DTD1: variants seen among roughly 807,000 people sequenced by gnomAD.
DTD1 encodes D-aminoacyl-tRNA deacylase 1.
In DTD1, 13 loss-of-function variants were observed where a neutral mutation model predicts 25.6. That is an observed-to-expected ratio of 0.51 (90% confidence interval 0.33 to 0.81). The LOEUF (loss-of-function observed/expected upper bound fraction) is 0.81, where lower values mean the gene tolerates loss of function less well. Ranked by LOEUF, DTD1 falls within the 30% of genes least tolerant of loss-of-function variation. The pLI is 0.02. For synonymous variants in DTD1, 110 were observed against 103.6 expected (o/e 1.06, Z -0.37); for missense variants, 193 against 266.4 (o/e 0.72, Z 1.92).
chr20:18,717,212 CA>C (rs2061184533), intron 4 of DTD1, among the ~76,000 whole-genome samples: 1 of 152,184 alleles, frequency 6.6e-6, no homozygotes, highest in Non-Finnish European at 1.5e-5. Flanking sequence ...AGATAATTAG[CA>C]TCACATGGTG....
intron 3 of DTD1, among the ~76,000 whole-genome samples, chr20:18,598,101 A>C (rs2060619049): frequency 6.6e-6 from 1 of 151,966 alleles, no homozygotes; most frequent in South Asian, 2.1e-4. Context: ...GCATCCATCC[A>C]CCCGTCACCT....
At chr20:18,671,437 T>C (rs2060950899) in intron 4 of DTD1, among the ~76,000 whole-genome samples, 1 of 152,208 alleles carries the variant, frequency 6.6e-6, no homozygotes, top group Non-Finnish European at 1.5e-5. Flanking sequence ...ACAGAACAGC[T>C]TGATGTTTTT....
intron 4 of DTD1, among the ~76,000 whole-genome samples, chr20:18,661,290 C>G (rs2060908747): frequency 6.6e-6 from 1 of 151,516 alleles, no homozygotes; most frequent in Non-Finnish European, 1.5e-5. Flanking sequence ...AAAAATGATG[C>G]TGGGAATTTG....
chr20:18,614,476 C>T (rs187211943), intron 3 of DTD1, among the ~76,000 whole-genome samples: 226 of 152,234 alleles, frequency 1.5e-3, no homozygotes, highest in Non-Finnish European at 2.6e-3. Context: ...CCAGTAAAGC[C>T]GCTGGAGTAT....
At chr20:18,691,455 C>A (rs2061047063) in intron 4 of DTD1, among the ~76,000 whole-genome samples, 1 of 152,138 alleles carries the variant, frequency 6.6e-6, no homozygotes. Context: ...AAAATCATGT[C>A]CTTTGCAGCA....
chr20:18,593,327 T>C (rs1183633683), intron 1 of DTD1, among the ~76,000 whole-genome samples: 1 of 152,256 alleles, frequency 6.6e-6, no homozygotes, highest in African/African-American at 2.4e-5. Flanking sequence ...TTTTTGATAT[T>C]CTGCAAAAGG....
At chr20:18,657,328 T>C (rs545257173) in intron 4 of DTD1, among the ~76,000 whole-genome samples, 1 of 152,172 alleles carries the variant, frequency 6.6e-6, no homozygotes, top group Admixed American at 6.5e-5. Context: ...GGCAACATGC[T>C]GAAAAAAAAC....
At chr20:18,685,001 C>T (rs747495665) in intron 4 of DTD1, among the ~76,000 whole-genome samples, 17 of 151,996 alleles carry the variant, frequency 1.1e-4, no homozygotes, top group Non-Finnish European at 2.5e-4. Context: ...TGGGCTGAAG[C>T]AGTCCTCCCA....
intron 4 of DTD1, among the ~76,000 whole-genome samples, chr20:18,677,860 A>G (rs1227388224): frequency 6.6e-6 from 1 of 152,244 alleles, no homozygotes; most frequent in Non-Finnish European, 1.5e-5. Flanking sequence ...GTAATTTGAG[A>G]AATGGAGTTG....
At chr20:18,673,787 G>A (rs1023179534) in intron 4 of DTD1, among the ~76,000 whole-genome samples, 6 of 152,098 alleles carry the variant, frequency 3.9e-5, no homozygotes, top group African/African-American at 1.4e-4. Flanking sequence ...AACCACCCTG[G>A]CAACGTTGAT....
chr20:18,685,713 CT>C (rs1376940674), intron 4 of DTD1, among the ~76,000 whole-genome samples: 1 of 152,228 alleles, frequency 6.6e-6, no homozygotes, highest in Non-Finnish European at 1.5e-5. Context: ...TTTTAGCTCT[CT>C]TTTCTCAAAG....
intron 3 of DTD1, among the ~76,000 whole-genome samples, chr20:18,621,341 T>C (rs532503731): frequency 6.6e-6 from 1 of 152,354 alleles, no homozygotes; most frequent in African/African-American, 2.4e-5. Flanking sequence ...GTGCATCGTG[T>C]TGGGGCATAT....
intron 4 of DTD1, among the ~76,000 whole-genome samples, chr20:18,668,874 G>A (rs1485784361): frequency 6.6e-6 from 1 of 152,172 alleles, no homozygotes; most frequent in East Asian, 1.9e-4. Context: ...CAGCTTTAAT[G>A]CTATAGAATT....
rs541656445 is a variant in DTD1, at chr20:18,671,329, G to A, written c.477+43096G>A. 1.9e-4 allele frequency among the ~76,000 whole-genome samples: 29 copies of A among 152,300 alleles called. No homozygotes were observed. In the South Asian group the frequency reaches 5.4e-3, roughly 28 times the overall value. ...AGTTGTAAAGAGTCTGGGGTCATGCGGAGGTTTTAATTGATCCCTATGATG... is the reference window on the plus strand; with the variant it reads ...AGTTGTAAAGAGTCTGGGGTCATGCAGAGGTTTTAATTGATCCCTATGATG... On this transcript the variant is annotated intron_variant, in intron 4 of 5. Coordinates refer to ENST00000377452, the MANE Select transcript of DTD1 (RefSeq NM_080820.6).
chr20:18,647,794 T>TG, intron 4 of DTD1, among the ~76,000 whole-genome samples: 1 of 152,268 alleles, frequency 6.6e-6, no homozygotes, highest in Middle Eastern at 3.4e-3. Flanking sequence ...TCCTCAGCTG[T>TG]GACCCTCTTG....
At chr20:18,732,272 G>T (rs6081333) in intron 4 of DTD1, among the ~76,000 whole-genome samples, 52,877 of 152,092 alleles carry the variant, frequency 0.35, 9,513 homozygotes, top group Non-Finnish European at 0.4. Context: ...CATGAACAGT[G>T]TTCTGTTACC....
Position 18,686,843 on chromosome 20 carries a change from A to T in DTD1, c.478-57257A>T, listed in dbSNP as rs111663977. Among the ~76,000 whole-genome samples the T allele has an allele frequency of 5.1e-3, 784 of 152,306 alleles. 6 individuals are homozygous for T. The highest frequency in any genetic ancestry group is 0.041 in the Middle Eastern group (12 of 294). The stretch of plus-strand genomic sequence containing the variant: ...TATGGCCCTACTCAAAGACCAGGTT[A>T]GAGCAGAAAGTCTTGGGGAAGAGAT... On this transcript the variant is annotated intron_variant, in intron 4 of 5. Coordinates refer to ENST00000377452, the MANE Select transcript of DTD1 (RefSeq NM_080820.6).
intron 4 of DTD1, among the ~76,000 whole-genome samples, chr20:18,739,120 C>T (rs1036068876): frequency 6.6e-6 from 1 of 152,104 alleles, no homozygotes; most frequent in Non-Finnish European, 1.5e-5. Flanking sequence ...TGGCCTCAGG[C>T]TCCACCCTGC....
intron 1 of DTD1, among the ~76,000 whole-genome samples, chr20:18,591,065 A>G (rs2060587333): frequency 6.6e-6 from 1 of 152,208 alleles, no homozygotes; most frequent in Non-Finnish European, 1.5e-5. Context: ...AGTCTTTTCC[A>G]GCCCTTTGAT....
Sources: allele counts gnomAD v4.1 joint callset (sites outside exome capture counted in the v4.1 genomes callset), GRCh38; gene constraint gnomAD v4.1.1; transcripts MANE v1.5; gene names NCBI Gene and HGNC (gene_info 2026-07-23, HGNC 2026-07-21).